ACACB: variants seen among roughly 807,000 people sequenced by gnomAD.
The protein encoded by ACACB is acetyl-CoA carboxylase 2.
In ACACB, 209 loss-of-function variants were observed where a neutral mutation model predicts 278.8. The ratio of observed to expected loss-of-function variants is 0.75; its 90% CI spans 0.67 to 0.84. The LOEUF is 0.84. ACACB is among the 40% of genes least tolerant of loss of function. ACACB has a pLI of 0.00. For synonymous variants in ACACB, 1,174 were observed against 1,285.6 expected (o/e 0.91, Z 1.86); for missense variants, 2,850 against 3,269.0 (o/e 0.87, Z 3.13).
intron 18 of ACACB, 101 bp from the exon 19 acceptor site, chr12:109,201,466 G>A (rs2045328157): frequency 7.0e-7 from 1 of 1,428,290 alleles, no homozygotes; most frequent in East Asian, 2.3e-5. Flanking sequence ...GCGTCCCTGG[G>A]TAGTGTCCCG....
At chr12:109,184,199 C>T (rs1420627692) in intron 11 of ACACB, among the ~76,000 whole-genome samples, 1 of 151,994 alleles carries the variant, frequency 6.6e-6, no homozygotes, top group African/African-American at 2.4e-5. Context: ...ATTATAGGTG[C>T]CTGCCACCAC....
intron 21 of ACACB, among the ~76,000 whole-genome samples, chr12:109,211,564 C>T (rs1448159608): frequency 6.6e-6 from 1 of 151,968 alleles, no homozygotes; most frequent in Non-Finnish European, 1.5e-5. Context: ...TGTGTGATTC[C>T]AATTTTATGA....
At chr12:109,174,752 C>A (rs762701538) in intron 7 of ACACB, among the ~76,000 whole-genome samples, 1 of 151,918 alleles carries the variant, frequency 6.6e-6, no homozygotes, top group Admixed American at 6.6e-5. Flanking sequence ...TACCTGTAGT[C>A]CCAACTACTG....
chr12:109,193,625 C>T (rs984517204), intron 15 of ACACB, 23 bp from the exon 16 acceptor site: 6 of 1,598,086 alleles, frequency 3.8e-6, no homozygotes, highest in Non-Finnish European at 5.1e-6. Flanking sequence ...CAAGGCTGAC[C>T]ACAACCCTGT....
At chr12:109,111,509 CAGTGTCCGA>C in the ACACB span, 1 of 151,972 alleles carries the variant, frequency 6.6e-6, no homozygotes, top group Non-Finnish European at 1.5e-5. Context: ...TGGGATCCCC[CAGTGTCCGA>C]AGAAAGAAGC....
At chr12:109,247,222 CG>C (rs1278544554) in intron 39 of ACACB, among the ~76,000 whole-genome samples, 1 of 151,610 alleles carries the variant, frequency 6.6e-6, no homozygotes, top group African/African-American at 2.4e-5. Context: ...CATGCATTCT[CG>C]GGGGCGATAT....
At position 109,119,850 on chromosome 12, in the gene ACACB, G is replaced by A. The variant is rs566073822; in HGVS notation, c.-10+3146G>A. 3.9e-5 allele frequency among the ~76,000 whole-genome samples: 6 copies of A among 152,080 alleles called. No individual in the cohort carries two copies. In the South Asian group the frequency reaches 6.2e-4, roughly 16 times the overall value. On this transcript the variant is annotated intron_variant, in intron 1 of 52. Coordinates refer to ENST00000338432, the MANE Select transcript of ACACB (RefSeq NM_001093.4). ...CCAGACGTTGCAGCAAGCTGAGATCGCGCCACTGCACTCTAGCCTGGGCGA... is the reference window on the plus strand; with the variant it reads ...CCAGACGTTGCAGCAAGCTGAGATCACGCCACTGCACTCTAGCCTGGGCGA...
rs570007482 is a variant in ACACB, at chr12:109,177,542, G to A, written c.1437+1279G>A. ...GCAGCAGTTTCACTACCATTGTATC[G>A]CTGTTGGGGTGTACAAGTGTTTTGG... On this transcript the variant is annotated intron_variant, in intron 9 of 52. Transcript: ENST00000338432. Among the ~76,000 whole-genome samples the A allele has an allele frequency of 3.0e-4, 46 of 152,238 alleles. No homozygotes were observed. In the South Asian group the frequency reaches 8.9e-3, roughly 30 times the overall value.
At position 109,179,985 on chromosome 12, in the gene ACACB, G is replaced by A. The variant is rs751872496; in HGVS notation, c.1716G>A (p.Gln572=). 6.2e-7 allele frequency: 1 copy of A among 1,614,010 alleles called. No individual in the cohort carries two copies. Among genetic ancestry groups the A allele is most frequent in the South Asian group, 1.1e-5 (1 of 91,072 alleles). The change falls in exon 11 of 53, where the codon CAG becomes CAA. Residue 572 remains glutamine, a synonymous_variant. Coordinates refer to ENST00000338432, the MANE Select transcript of ACACB (RefSeq NM_001093.4). ...SAGTVEYLYS[Q]DGSFHFLELN... ...GGACAGTGGAATACCTCTATAGTCA[G>A]GATGGCAGCTTCCACTTCTTGGAGC...
chr12:109,223,771 GT>G, intron 26 of ACACB, 43 bp from the exon 27 acceptor site: 1 of 1,549,280 alleles, frequency 6.5e-7, no homozygotes, highest in African/African-American at 1.4e-5. Flanking sequence ...CCTGAAACTT[GT>G]TCACATTTAC....
chr12:109,206,980 T>C, intron 20 of ACACB, 124 bp downstream of exon 20: 3 of 1,134,444 alleles, frequency 2.6e-6, no homozygotes, highest in Non-Finnish European at 3.7e-6. Flanking sequence ...TTGTTTTTAT[T>C]TTATTTATTT....
Position 109,197,124 on chromosome 12 carries a change from C to G in ACACB, c.2598C>G (p.Tyr866Ter), listed in dbSNP as rs1304331497. ...TGCTCTCCTACAATGGGAACAGCTACACCACCTACATGAAGGAAGAGGTTG... is the reference window on the plus strand; with the variant it reads ...TGCTCTCCTACAATGGGAACAGCTAGACCACCTACATGAAGGAAGAGGTTG... ...GLLLSYNGNS[Y>*]TTYMKEEVDS... The change falls in exon 17 of 53, where the codon TAC becomes TAG. Residue 866 changes from tyrosine (Y) to a stop codon, truncating the protein, a stop_gained. Coordinates refer to ENST00000338432, the MANE Select transcript of ACACB (RefSeq NM_001093.4). LOFTEE classifies it high-confidence loss of function. The G allele has an allele frequency of 6.2e-7, 1 of 1,605,314 alleles. No individual in the cohort carries two copies. Among genetic ancestry groups the G allele is most frequent in the Admixed American group, 1.7e-5 (1 of 58,468 alleles).
chr12:109,143,617 G>A (rs2043172795), intron 2 of ACACB, among the ~76,000 whole-genome samples: 1 of 152,104 alleles, frequency 6.6e-6, no homozygotes, highest in South Asian at 2.1e-4. Context: ...AGCACCCAGG[G>A]GCAATGCGGG....
At position 109,180,031 on chromosome 12, in the gene ACACB, G is replaced by C; in HGVS notation, c.1762G>C (p.Glu588Gln). 6.2e-7 allele frequency: 1 copy of C among 1,613,270 alleles called. No homozygotes were observed. Among genetic ancestry groups the C allele is most frequent in the Non-Finnish European group, 8.5e-7 (1 of 1,180,024 alleles). ...FLELNPRLQV[E>Q]HPCTEMIADV... ...GGAGCTGAATCCTCGCTTGCAGGTG[G>C]AACATCCCTGCACAGAAATGATTGC... Residue 588 changes from glutamate to glutamine, a missense_variant, in exon 11 of 53, where the codon GAA becomes CAA. Physicochemically the swap from Glu to Gln is conservative, Grantham distance 29. Transcript: ENST00000338432.
chr12:109,181,467 A>G (rs2044468496), intron 11 of ACACB, among the ~76,000 whole-genome samples: 2 of 151,980 alleles, frequency 1.3e-5, no homozygotes, highest in African/African-American at 4.8e-5. Context: ...ACCTCAGATG[A>G]TCTGCCCACC....
At chr12:109,146,124 G>T (rs946072662) in intron 2 of ACACB, among the ~76,000 whole-genome samples, 3 of 152,226 alleles carry the variant, frequency 2.0e-5, no homozygotes, top group Admixed American at 6.5e-5. Context: ...GGGGCTAGAG[G>T]TTTAAGCTAG....
intron 16 of ACACB, among the ~76,000 whole-genome samples, chr12:109,194,684 C>G (rs1246626154): frequency 6.6e-6 from 1 of 151,156 alleles, no homozygotes; most frequent in East Asian, 1.9e-4. Context: ...CTTTGTGTCT[C>G]TTCTCTTGTA....
intron 15 of ACACB, 108 bp downstream of exon 15, chr12:109,192,058 TG>T: frequency 8.6e-7 from 1 of 1,156,794 alleles, no homozygotes. Context: ...AGGCAATTGG[TG>T]AGTCTCTCCT....
chr12:109,163,144 C>A (rs1050320438), intron 2 of ACACB, among the ~76,000 whole-genome samples: 4 of 152,146 alleles, frequency 2.6e-5, no homozygotes, highest in Admixed American at 1.3e-4. Context: ...ATGCTGCTCT[C>A]AAACTCCTGA....
Sources: gnomAD v4.1 joint callset for allele counts (sites outside exome capture counted in the v4.1 genomes callset) on GRCh38, gnomAD v4.1.1 for gene constraint, MANE v1.5 for transcripts, NCBI Gene and HGNC (gene_info 2026-07-23, HGNC 2026-07-21) for gene names.